Variants in PRPF6 observed in about 807,000 individuals in gnomAD.
The protein encoded by PRPF6 is pre-mRNA processing factor 6.
Under a neutral mutation model 118.3 loss-of-function variants are expected in PRPF6, and 42 were observed. The ratio of observed to expected loss-of-function variants is 0.35; its 90% CI spans 0.28 to 0.46. The LOEUF is 0.46. PRPF6 is among the 20% of genes least tolerant of loss of function. The pLI, the probability that PRPF6 is intolerant of heterozygous loss-of-function variation, is 1.00. For missense variants in PRPF6, 662 were observed against 1,255.7 expected, an observed-to-expected ratio of 0.53 and a Z score of 7.15; for synonymous variants, 481 against 485.1, an observed-to-expected ratio of 0.99 and a Z score of 0.11.
At chr20:64,030,336 G>T (rs1033342642) in intron 19 of PRPF6, among the ~76,000 whole-genome samples, 15 of 152,160 alleles carry the variant, frequency 9.9e-5, no homozygotes, top group African/African-American at 3.6e-4. Context: ...GGCCCCAGGA[G>T]CTCTCCTGTG....
intron 6 of PRPF6, among the ~76,000 whole-genome samples, chr20:63,998,748 A>C (rs1174100408): frequency 6.6e-6 from 1 of 151,612 alleles, no homozygotes; most frequent in Non-Finnish European, 1.5e-5. Flanking sequence ...AGGCTGAGGC[A>C]GGAGGATGGC....
intron 3 of PRPF6, among the ~76,000 whole-genome samples, chr20:63,987,836 G>T (rs1209611279): frequency 6.6e-6 from 1 of 151,818 alleles, no homozygotes; most frequent in Non-Finnish European, 1.5e-5. Context: ...ATCACCTGAG[G>T]TCAGGAGTTT....
At chr20:63,993,099 C>T (rs562753221) in intron 3 of PRPF6, among the ~76,000 whole-genome samples, 227 of 151,282 alleles carry the variant, frequency 1.5e-3, no homozygotes, top group African/African-American at 5.1e-3. Flanking sequence ...ACCTGTAATC[C>T]CAGCTACTTG....
At chr20:64,009,714 T>C (rs1395930289) in intron 9 of PRPF6, among the ~76,000 whole-genome samples, 1 of 152,158 alleles carries the variant, frequency 6.6e-6, no homozygotes, top group Non-Finnish European at 1.5e-5. Context: ...AGAATGAGAC[T>C]CTGTCTCAAA....
chr20:64,010,814 G>A (rs1178047666), intron 10 of PRPF6, among the ~76,000 whole-genome samples: 1 of 152,072 alleles, frequency 6.6e-6, no homozygotes, highest in Non-Finnish European at 1.5e-5. Flanking sequence ...TATCCTAAGG[G>A]GTATTGTGAA....
chr20:64,021,746 T>C (rs1601529864), intron 12 of PRPF6, among the ~76,000 whole-genome samples: 2 of 149,568 alleles, frequency 1.3e-5, no homozygotes, highest in South Asian at 4.3e-4. Context: ...TGTGTGTGTG[T>C]GCACGTATGC....
At chr20:64,005,874 C>T (rs1458400328) in intron 9 of PRPF6, among the ~76,000 whole-genome samples, 1 of 152,082 alleles carries the variant, frequency 6.6e-6, no homozygotes, top group Non-Finnish European at 1.5e-5. Context: ...AGCTGGGACT[C>T]CAGGGACATA....
rs145328972 is a variant in PRPF6, at chr20:63,984,978, C to A, written c.312C>A (p.Ile104=). The A allele has an allele frequency of 1.2e-5, 19 of 1,613,566 alleles. No individual in the cohort carries two copies. Among genetic ancestry groups the A allele is most frequent in the Middle Eastern group, 1.6e-4 (1 of 6,080 alleles). Residue 104 remains isoleucine, a synonymous_variant, in exon 3 of 21, where the codon ATC becomes ATA. Coordinates refer to ENST00000266079, the MANE Select transcript of PRPF6 (RefSeq NM_012469.4). ...YEKDDEEADA[I]YAALDKRMDE... is the part of the protein sequence containing the mutation. ...AAGATGATGAGGAAGCAGATGCTAT[C>A]TATGCAGCCCTGGATAAAAGGATGG...
Position 63,981,189 on chromosome 20 carries a change from T to G in PRPF6, c.-57T>G. On this transcript the variant is annotated 5_prime_UTR_variant, in exon 1 of 21. Transcript: ENST00000266079. Reference sequence around the variant, plus strand: ...CGTCGAAGCCTAGAGTCTCTGCGTCTTTCCCTCTTCCGCTGCCTCATTCCT... The same window carrying G: ...CGTCGAAGCCTAGAGTCTCTGCGTCGTTCCCTCTTCCGCTGCCTCATTCCT... 6.5e-7 allele frequency: 1 copy of G among 1,538,268 alleles called. No individual in the cohort carries two copies. The highest frequency in any genetic ancestry group is 1.2e-5 in the South Asian group (1 of 84,810).
chr20:64,011,575 A>C lies in PRPF6; in HGVS notation c.1524+72A>C. 6.7e-7 allele frequency: 1 copy of C among 1,503,476 alleles called. No homozygotes were observed. The highest frequency in any genetic ancestry group is 9.0e-7 in the Non-Finnish European group (1 of 1,108,968). The allele number at this position is 1,503,476 out of a possible 1,614,324, so 93.1% of individuals were successfully genotyped here. A position where few individuals can be genotyped will look rare whatever the true frequency, so the allele number is the denominator to read the frequency against. On this transcript the variant is annotated intron_variant, in intron 11 of 20. Transcript: ENST00000266079. This position sits in a 1 kb window ranked among gnomAD's most constrained non-coding sequence, Gnocchi z 6.7. ...GCAGCACGTGAGAGTCCCACGCAGG[A>C]CTGGGGGTTGCTGGATGGTACTGGG...
intron 20 of PRPF6, among the ~76,000 whole-genome samples, chr20:64,032,486 C>T (rs1282709444): frequency 3.9e-5 from 6 of 152,174 alleles, no homozygotes; most frequent in Non-Finnish European, 8.8e-5. Context: ...GTGCTGGAGG[C>T]AGTCAGGCTG....
intron 12 of PRPF6, among the ~76,000 whole-genome samples, chr20:64,021,265 C>G (rs1311712071): frequency 5.0e-5 from 7 of 140,904 alleles, no homozygotes; most frequent in African/African-American, 1.9e-4. Flanking sequence ...GCACGTATGC[C>G]TATGCCTTGG....
chr20:64,024,008 C>T (rs1364563293), intron 13 of PRPF6, among the ~76,000 whole-genome samples: 1 of 152,224 alleles, frequency 6.6e-6, no homozygotes, highest in Non-Finnish European at 1.5e-5. Context: ...GTCGCACTCA[C>T]TGAGGCCCAA....
chr20:63,986,440 T>C (rs2059093652), intron 3 of PRPF6, among the ~76,000 whole-genome samples: 1 of 150,604 alleles, frequency 6.6e-6, no homozygotes, highest in Non-Finnish European at 1.5e-5. Context: ...TGCAAATTAA[T>C]CAGTGTTATA....
intron 6 of PRPF6, among the ~76,000 whole-genome samples, chr20:63,997,631 A>G (rs999596138): frequency 1.3e-5 from 2 of 151,516 alleles, no homozygotes; most frequent in Admixed American, 6.6e-5. Flanking sequence ...TAATTTTTGT[A>G]TTTTTAGTAG....
intron 13 of PRPF6, among the ~76,000 whole-genome samples, chr20:64,023,284 GA>G (rs1253167820): frequency 6.6e-5 from 10 of 152,222 alleles, no homozygotes; most frequent in Non-Finnish European, 1.5e-4. Flanking sequence ...TTTGGGTTTT[GA>G]CTGGTTTTTG....
chr20:64,019,842 GA>G (rs1052633337), intron 12 of PRPF6, among the ~76,000 whole-genome samples: 25 of 152,352 alleles, frequency 1.6e-4, no homozygotes, highest in African/African-American at 5.8e-4. Context: ...AGGTCTGAGT[GA>G]AGAAATCTCA....
At chr20:63,989,704 G>A (rs1056936319) in intron 3 of PRPF6, among the ~76,000 whole-genome samples, 1 of 151,224 alleles carries the variant, frequency 6.6e-6, no homozygotes, top group African/African-American at 2.4e-5. Context: ...TAGTAGAGAC[G>A]GGGTTTCACC....
At position 64,029,610 on chromosome 20, in the gene PRPF6, G is replaced by T. The variant is rs1009585820; in HGVS notation, c.2546+119G>T. 2.2e-6 allele frequency: 2 copies of T among 893,752 alleles called. No individual in the cohort carries two copies. Among genetic ancestry groups the T allele is most frequent in the Non-Finnish European group, 3.6e-6 (2 of 559,828 alleles). 55.4% of individuals were successfully genotyped at this position (893,752 alleles called of 1,614,324 possible). A position where few individuals can be genotyped will look rare whatever the true frequency, so the allele number is the denominator to read the frequency against. ...GCCCGGCAGCAGGGTGGGCTTCCCC[G>T]ATCCTCGGCTGCCGTCGCTCCTGCT... is the stretch of plus-strand genomic sequence containing the variant. On this transcript the variant is annotated intron_variant, in intron 19 of 20. Coordinates refer to ENST00000266079, the MANE Select transcript of PRPF6 (RefSeq NM_012469.4). The surrounding 1 kb of genome is among the most constrained non-coding windows in gnomAD (Gnocchi z 4.8).
Sources: gnomAD v4.1 joint callset for allele counts (sites outside exome capture counted in the v4.1 genomes callset) on GRCh38, gnomAD v4.1.1 for gene constraint, Gnocchi (gnomAD v3.1) non-coding constraint, MANE v1.5 for transcripts, NCBI Gene and HGNC (gene_info 2026-07-23, HGNC 2026-07-21) for gene names.